Variants in CMPK1 observed in about 807,000 individuals in gnomAD.
The protein encoded by CMPK1 is UMP-CMP kinase.
A neutral mutation model predicts 25.7 loss-of-function variants in CMPK1; 10 were observed. The observed-to-expected ratio is 0.39, with a 90% confidence interval of 0.24 to 0.66. CMPK1 has a LOEUF of 0.66. Among genes scored for constraint, CMPK1 ranks in the 30% least tolerant of loss-of-function variants. CMPK1 has a pLI of 0.48. For missense variants in CMPK1, 199 were observed against 280.5 expected, an observed-to-expected ratio of 0.71 and a Z score of 2.08; for synonymous variants, 106 against 101.5, an observed-to-expected ratio of 1.04 and a Z score of -0.27.
intron 1 of CMPK1, among the ~76,000 whole-genome samples, chr1:47,334,693 C>T (rs535171912): frequency 5.0e-4 from 76 of 152,342 alleles, no homozygotes; most frequent in African/African-American, 1.0e-3. Context: ...AGCCCCGTCC[C>T]CGCAAGCTTT....
intron 2 of CMPK1, among the ~76,000 whole-genome samples, chr1:47,369,885 C>A (rs1646665171): frequency 6.9e-6 from 1 of 144,524 alleles, no homozygotes; most frequent in South Asian, 2.2e-4. Context: ...TTTAAATAAA[C>A]CTCTTTCTTT....
At position 47,376,715 on chromosome 1, in the gene CMPK1, A is replaced by T; in HGVS notation, c.657A>T (p.Glu219Asp). The stretch of plus-strand genomic sequence containing the variant: ...TTTTTCCTTTACAGGTTTTTGATGA[A>T]GTTGTGCAGATTTTTGACAAGGAAG... ...ASKSVDEVFDEVVQIFDKEG is the reference protein window; with the variant it reads ...ASKSVDEVFDDVVQIFDKEG The change falls in exon 6 of 6, where the codon GAA (glutamate) becomes GAT (aspartate). Residue 219 changes from glutamate (E) to aspartate (D), a missense_variant. Around this residue, in one of 2 missense-constraint regions of CMPK1, gnomAD observed 140 missense variants for 235.5 expected, o/e 0.59. Coordinates refer to ENST00000371873, the MANE Select transcript of CMPK1 (RefSeq NM_016308.3). The T allele has an allele frequency of 6.3e-7, 1 of 1,583,320 alleles. No homozygotes were observed. Among genetic ancestry groups the T allele is most frequent in the Non-Finnish European group, 8.7e-7 (1 of 1,154,440 alleles).
chr1:47,377,482 T>G lies in CMPK1; in HGVS notation c.*737T>G, dbSNP rs1646715855. 2 of 152,260 alleles carry G rather than the reference T, an allele frequency of 1.3e-5. No homozygotes were observed. The highest frequency in any genetic ancestry group is 4.8e-5 in the African/African-American group (2 of 41,462). The allele number at this position is 152,260 out of a possible 1,614,324, so 9.4% of individuals were successfully genotyped here. A position where few individuals can be genotyped will look rare whatever the true frequency, so the allele number is the denominator to read the frequency against. ...GTGTTCCTTATACTCTATTATATAG[T>G]GTTATTCATGATTCAGCTGATCTTA... On this transcript the variant is annotated 3_prime_UTR_variant, in exon 6 of 6. Coordinates refer to ENST00000371873, the MANE Select transcript of CMPK1 (RefSeq NM_016308.3).
intron 1 of CMPK1, among the ~76,000 whole-genome samples, chr1:47,359,186 GGGCGCC>G (rs1646583943): frequency 6.6e-6 from 1 of 151,588 alleles, no homozygotes; most frequent in African/African-American, 2.4e-5. Context: ...GCATGTTGGC[GGGCGCC>G]TGTAGTCCCA....
At chr1:47,344,965 G>A (rs1431177346) in intron 1 of CMPK1, among the ~76,000 whole-genome samples, 1 of 151,732 alleles carries the variant, frequency 6.6e-6, no homozygotes, top group Non-Finnish European at 1.5e-5. Flanking sequence ...TGCTCAGGCT[G>A]GAGTGCAGTG....
intron 1 of CMPK1, among the ~76,000 whole-genome samples, chr1:47,367,086 GTCTTGAAC>G (rs941763520): frequency 1.3e-5 from 2 of 152,018 alleles, no homozygotes; most frequent in African/African-American, 2.4e-5. Context: ...GCTTAGGCTG[GTCTTGAAC>G]TCCTGGGCTC....
rs770588462 is a variant in CMPK1 at position 47,376,786 on chromosome 1, T to C, written c.*41T>C. 1 of 1,201,600 alleles carries C rather than the reference T, an allele frequency of 8.3e-7. No individual in the cohort carries two copies. The highest frequency in any genetic ancestry group is 1.2e-6 in the Non-Finnish European group (1 of 811,478). 74.4% of individuals were successfully genotyped at this position (1,201,600 alleles called of 1,614,324 possible). ...CATCCTTGAAATCATGCTTGAATAT[T>C]GCTTTGATAGCTGCTATCATGACCC... On this transcript the variant is annotated 3_prime_UTR_variant, in exon 6 of 6. Coordinates refer to ENST00000371873, the MANE Select transcript of CMPK1 (RefSeq NM_016308.3).
chr1:47,340,020 C>T (rs1224105252), intron 1 of CMPK1, among the ~76,000 whole-genome samples: 1 of 102,474 alleles, frequency 9.8e-6, no homozygotes, highest in Non-Finnish European at 1.8e-5. Context: ...CCTCTTCCCT[C>T]CCCTCCCCTT....
At chr1:47,369,248 C>G (rs1646660280) in intron 2 of CMPK1, among the ~76,000 whole-genome samples, 1 of 152,022 alleles carries the variant, frequency 6.6e-6, no homozygotes. Context: ...TCAAGTGATC[C>G]TCTCACCTCG....
intron 1 of CMPK1, chr1:47,358,466 A>G: frequency 1.7e-6 from 2 of 1,168,418 alleles, no homozygotes; most frequent in Non-Finnish European, 2.1e-6. Flanking sequence ...AACATCTAAT[A>G]ATGATATTTT....
At chr1:47,368,844 C>T (rs1347815232) in intron 2 of CMPK1, among the ~76,000 whole-genome samples, 1 of 151,982 alleles carries the variant, frequency 6.6e-6, no homozygotes, top group African/African-American at 2.4e-5. Context: ...GCCTGTAGTC[C>T]CAGCTGCTTG....
At chr1:47,347,460 C>T (rs892780388) in intron 1 of CMPK1, among the ~76,000 whole-genome samples, 8 of 152,182 alleles carry the variant, frequency 5.3e-5, no homozygotes, top group African/African-American at 9.7e-5. Context: ...CCTCCTGCCT[C>T]GGCCTCCCCA....
At chr1:47,335,551 C>T (rs899691459) in intron 1 of CMPK1, among the ~76,000 whole-genome samples, 2 of 147,888 alleles carry the variant, frequency 1.4e-5, no homozygotes, top group African/African-American at 5.0e-5. Flanking sequence ...GCAGGAGAAT[C>T]GCTTGAAACC....
intron 1 of CMPK1, among the ~76,000 whole-genome samples, chr1:47,351,216 A>G (rs559159230): frequency 8.5e-5 from 13 of 152,148 alleles, no homozygotes; most frequent in African/African-American, 3.1e-4. Context: ...AGTAGCTGGG[A>G]CTACAAGCAC....
intron 1 of CMPK1, among the ~76,000 whole-genome samples, chr1:47,345,457 G>C (rs1410641705): frequency 6.6e-6 from 1 of 150,960 alleles, no homozygotes; most frequent in Admixed American, 6.6e-5. Flanking sequence ...ATAGAAATTA[G>C]GATAAAAAAT....
chr1:47,358,895 T>G (rs1454958280), intron 1 of CMPK1: 2 of 985,412 alleles, frequency 2.0e-6, no homozygotes, highest in Non-Finnish European at 2.4e-6. Flanking sequence ...AAAATGTGAT[T>G]ATTTCATGAA....
chr1:47,374,399 C>A (rs2622913), intron 3 of CMPK1, among the ~76,000 whole-genome samples: 148,355 of 152,326 alleles, frequency 0.97, 72,336 homozygotes, highest in East Asian at 1. Flanking sequence ...TCCAACCCCC[C>A]AAAATATGTT....
intron 1 of CMPK1, among the ~76,000 whole-genome samples, chr1:47,350,768 G>A (rs1400973677): frequency 4.0e-5 from 6 of 151,862 alleles, no homozygotes; most frequent in African/African-American, 7.3e-5. Flanking sequence ...TTAGCCAGGC[G>A]TGGTGGCACG....
At chr1:47,344,010 A>G (rs1423718216) in intron 1 of CMPK1, among the ~76,000 whole-genome samples, 2 of 151,944 alleles carry the variant, frequency 1.3e-5, no homozygotes, top group African/African-American at 2.4e-5. Flanking sequence ...CAAGGCTGCA[A>G]TAAGACATGA....
Sources: gnomAD v4.1 joint callset for allele counts (sites outside exome capture counted in the v4.1 genomes callset) on GRCh38, gnomAD v4.1.1 for gene constraint, gnomAD v4.1.1 regional missense constraint, MANE v1.5 for transcripts, NCBI Gene and HGNC (gene_info 2026-07-23, HGNC 2026-07-21) for gene names.